Variants in RORA observed in about 807,000 individuals in gnomAD.
RORA encodes nuclear receptor ROR-alpha.
Under a neutral mutation model 69.5 loss-of-function variants are expected in RORA, and 7 were observed. The ratio of observed to expected loss-of-function variants is 0.10; its 90% CI spans 0.06 to 0.19. The LOEUF is 0.19. Among genes scored for constraint, RORA ranks in the 10% least tolerant of loss-of-function variants. RORA has a pLI of 1.00. For synonymous variants in RORA, 261 were observed against 240.8 expected (o/e 1.08, Z -0.78); for missense variants, 457 against 663.0 (o/e 0.69, Z 3.41).
Position 60,495,186 on chromosome 15 carries a change from G to A in RORA, c.*2269C>T, listed in dbSNP as rs2065136865. On this transcript the variant is annotated 3_prime_UTR_variant, in exon 11 of 11. Coordinates refer to ENST00000335670, the MANE Select transcript of RORA (RefSeq NM_134261.3). ...GAGAAACAATAGAAAAAAAATGGAT[G>A]AATAAATAACTGAACTAAGCTTGGT... The A allele has an allele frequency of 6.6e-6, 1 of 152,044 alleles. No individual in the cohort carries two copies. The highest frequency in any genetic ancestry group is 1.5e-5 in the Non-Finnish European group (1 of 67,986). 9.4% of individuals were successfully genotyped at this position (152,044 alleles called of 1,614,324 possible). A position where few individuals can be genotyped will look rare whatever the true frequency, so the allele number is the denominator to read the frequency against.
In RORA at chr15:61,201,079, T is replaced by G. The variant is rs2079891714; in HGVS notation, c.166+27974A>C. Among the ~76,000 whole-genome samples the G allele has an allele frequency of 2.0e-5, 3 of 152,254 alleles. No homozygotes were observed. The South Asian group carries it at 6.2e-4, about 32-fold the overall frequency. On this transcript the variant is annotated intron_variant, in intron 1 of 10. Coordinates refer to ENST00000335670, the MANE Select transcript of RORA (RefSeq NM_134261.3). ...CAATTATTATCTTTCATGCCATCCT[T>G]TGAATTATATTCAGGTTTTTATTTG...
intron 10 of RORA, among the ~76,000 whole-genome samples, chr15:60,498,021 T>C (rs901674097): frequency 1.3e-5 from 2 of 152,038 alleles, no homozygotes; most frequent in African/African-American, 4.8e-5. Context: ...ATCGTGCCAC[T>C]GCACTCCAGC....
intron 1 of RORA, among the ~76,000 whole-genome samples, chr15:61,117,030 A>G (rs2079057018): frequency 6.6e-6 from 1 of 152,142 alleles, no homozygotes; most frequent in African/African-American, 2.4e-5. Flanking sequence ...AGCTTCAAAG[A>G]CAAACACACA....
chr15:60,740,477 G>A lies in RORA; in HGVS notation c.167-61791C>T, dbSNP rs143018019. On this transcript the variant is annotated intron_variant, in intron 1 of 10. Transcript: ENST00000335670. ...AGCCTACGACATTAAAGGCACCAAG[G>A]ACAATGCCAGTGAGGCTGTGTCCAA... Among the ~76,000 whole-genome samples the A allele has an allele frequency of 3.0e-3, 452 of 152,300 alleles. 2 individuals are homozygous for A. The highest frequency in any genetic ancestry group is 5.7e-3 in the Non-Finnish European group (391 of 68,034).
At chr15:60,551,640 C>T (rs2067230092) in intron 2 of RORA, among the ~76,000 whole-genome samples, 1 of 152,192 alleles carries the variant, frequency 6.6e-6, no homozygotes, top group Admixed American at 6.5e-5. Context: ...GAAAGAGATG[C>T]ACAGCCTCTA....
intron 2 of RORA, among the ~76,000 whole-genome samples, chr15:60,613,962 C>A (rs1260186014): frequency 1.3e-5 from 2 of 149,298 alleles, no homozygotes; most frequent in Non-Finnish European, 1.5e-5. Context: ...AAAAAGAATA[C>A]AACATTGAGT....
At chr15:60,628,767 T>C (rs899582749) in intron 2 of RORA, among the ~76,000 whole-genome samples, 1 of 152,148 alleles carries the variant, frequency 6.6e-6, no homozygotes, top group African/African-American at 2.4e-5. Flanking sequence ...CCCGTAAAGA[T>C]CTTCCACACA....
intron 1 of RORA, among the ~76,000 whole-genome samples, chr15:60,728,751 A>G (rs2071394636): frequency 6.6e-6 from 1 of 152,208 alleles, no homozygotes; most frequent in Non-Finnish European, 1.5e-5. Context: ...CAACACCTAA[A>G]GGTGAGCCAG....
intron 1 of RORA, among the ~76,000 whole-genome samples, chr15:60,735,832 G>A (rs527972699): frequency 6.6e-6 from 1 of 152,272 alleles, no homozygotes; most frequent in East Asian, 1.9e-4. Flanking sequence ...TTCCATTTGG[G>A]ATGAAATATT....
At chr15:60,617,659 C>CAGAGAGAG (rs10594406) in intron 2 of RORA, among the ~76,000 whole-genome samples, 5,860 of 141,306 alleles carry the variant, frequency 0.041, 120 homozygotes, top group Non-Finnish European at 0.058. Context: ...CACATACAGA[C>CAGAGAGAG]AGAGAGAGAG....
At chr15:60,693,924 TC>T (rs997794174) in intron 1 of RORA, among the ~76,000 whole-genome samples, 29 of 152,142 alleles carry the variant, frequency 1.9e-4, no homozygotes, top group Admixed American at 1.4e-3. Flanking sequence ...GATTTTTTTT[TC>T]ACAGAATTAG....
At chr15:60,518,376 T>C (rs893040466) in intron 3 of RORA, among the ~76,000 whole-genome samples, 4 of 151,220 alleles carry the variant, frequency 2.6e-5, no homozygotes, top group African/African-American at 9.9e-5. Context: ...AGGATGATGA[T>C]GACAGATTAT....
At chr15:60,699,832 G>A (rs1344112213) in intron 1 of RORA, among the ~76,000 whole-genome samples, 1 of 151,386 alleles carries the variant, frequency 6.6e-6, no homozygotes, top group Admixed American at 6.6e-5. Flanking sequence ...TTTCCAAATA[G>A]GGCTGATTCT....
chr15:61,099,245 A>G (rs2078843082), intron 1 of RORA, among the ~76,000 whole-genome samples: 2 of 152,360 alleles, frequency 1.3e-5, no homozygotes, highest in South Asian at 4.1e-4. Flanking sequence ...AATTGCAGAC[A>G]TTCCTTGGAT....
At chr15:60,678,745 T>G in intron 1 of RORA, 59 bp from the exon 2 acceptor site, 1 of 1,417,140 alleles carries the variant, frequency 7.1e-7, no homozygotes, top group Non-Finnish European at 1.0e-6. Context: ...CTGCTTTGAA[T>G]GTCCGTCATT....
chr15:60,592,341 C>T lies in RORA; in HGVS notation c.197-60490G>A, dbSNP rs537801972. The T allele has an allele frequency of 1.8e-4, 249 of 1,350,826 alleles. No homozygotes were observed. The African/African-American group carries it at 3.4e-3, about 18-fold the overall frequency. 83.7% of individuals were successfully genotyped at this position (1,350,826 alleles called of 1,614,324 possible). On this transcript the variant is annotated intron_variant, in intron 2 of 10. Transcript: ENST00000335670. ...CCCTGCGCGCCCTCCTCCCCGCCCC[C>T]CGGAGCCGCCAGCCCACCCGGCCCC...
chr15:60,695,741 C>T (rs1009911557), intron 1 of RORA, among the ~76,000 whole-genome samples: 4 of 152,052 alleles, frequency 2.6e-5, no homozygotes, highest in African/African-American at 9.7e-5. Context: ...CCCCCACGTC[C>T]CCACAGCTAT....
chr15:60,992,309 C>A (rs751865277), intron 1 of RORA, among the ~76,000 whole-genome samples: 2 of 152,242 alleles, frequency 1.3e-5, no homozygotes, highest in South Asian at 2.1e-4. Flanking sequence ...AAGCACGGAG[C>A]TATGATGAAG....
chr15:61,229,121 T>C lies in RORA; in HGVS notation c.98A>G (p.Gln33Arg). ...CGGCTCGCTCTTGCGGGCGGATTCC[T>C]GGTTCAGCGGGGTCTCCCTGGAGCC... ...AAGSRETPLN[Q>R]ESARKSEPPA... The change falls in exon 1 of 11, where the codon CAG (glutamine) becomes CGG (arginine). Residue 33 changes from glutamine to arginine, a missense_variant. Gln to Arg is a conservative substitution (Grantham distance 43). Coordinates refer to ENST00000335670, the MANE Select transcript of RORA (RefSeq NM_134261.3). The C allele has an allele frequency of 6.5e-7, 1 of 1,541,300 alleles. No individual in the cohort carries two copies. The highest frequency in any genetic ancestry group is 8.7e-7 in the Non-Finnish European group (1 of 1,144,276).
Sources: allele counts gnomAD v4.1 joint callset (sites outside exome capture counted in the v4.1 genomes callset), GRCh38; gene constraint gnomAD v4.1.1; transcripts MANE v1.5; gene names NCBI Gene and HGNC (gene_info 2026-07-23, HGNC 2026-07-21).